STXBP4: variants seen among roughly 807,000 people sequenced by gnomAD.
The protein encoded by STXBP4 is syntaxin binding protein 4.
A neutral mutation model predicts 76.1 loss-of-function variants in STXBP4; 55 were observed. The ratio of observed to expected loss-of-function variants is 0.72; its 90% CI spans 0.58 to 0.91. STXBP4 has a LOEUF of 0.91. Ranked by LOEUF, STXBP4 falls within the 40% of genes least tolerant of loss-of-function variation. STXBP4 has a pLI of 0.00. For synonymous variants in STXBP4, 201 were observed against 220.2 expected (o/e 0.91, Z 0.77); for missense variants, 618 against 636.9 (o/e 0.97, Z 0.32).
intron 12 of STXBP4, among the ~76,000 whole-genome samples, chr17:55,055,310 A>T (rs1055097238): frequency 1.3e-5 from 2 of 152,158 alleles, no homozygotes; most frequent in African/African-American, 2.4e-5. Flanking sequence ...TGACAAGGAG[A>T]GAAAAATGAA....
intron 16 of STXBP4, among the ~76,000 whole-genome samples, chr17:55,104,129 G>T (rs765318613): frequency 1.3e-4 from 20 of 151,990 alleles, no homozygotes; most frequent in Non-Finnish European, 2.8e-4. Context: ...TCTTTCTCTT[G>T]CCTGATTTTC....
chr17:55,198,457 T>C, the STXBP4 span, among the ~76,000 whole-genome samples: 1 of 152,170 alleles, frequency 6.6e-6, no homozygotes, highest in Non-Finnish European at 1.5e-5. Flanking sequence ...ATTGAACTAA[T>C]GATAGAGATC....
At chr17:55,115,831 C>T (rs1239167625) in intron 16 of STXBP4, among the ~76,000 whole-genome samples, 1 of 151,830 alleles carries the variant, frequency 6.6e-6, no homozygotes, top group Non-Finnish European at 1.5e-5. Context: ...ATGTCATCCT[C>T]CAGCATCTAG....
intron 12 of STXBP4, among the ~76,000 whole-genome samples, chr17:55,062,785 G>A (rs2079009791): frequency 1.3e-5 from 2 of 152,118 alleles, no homozygotes; most frequent in Middle Eastern, 6.8e-3. Context: ...TTTAATGATC[G>A]CCATTCTAAC....
rs1271430279 is a variant in STXBP4 at position 55,141,782 on chromosome 17, A to T, written c.1547+415A>T. On this transcript the variant is annotated intron_variant, in intron 17 of 17. Transcript: ENST00000376352. The stretch of plus-strand genomic sequence containing the variant: ...AATGCACACAGTTCATTCTGCAACT[A>T]TTTTTTGAGCATTTGCTGTTTGCCA... Among the ~76,000 whole-genome samples the T allele has an allele frequency of 4.6e-5, 7 of 152,168 alleles. No individual in the cohort carries two copies. In the East Asian group the frequency reaches 1.3e-3, roughly 29 times the overall value.
Position 55,162,721 on chromosome 17 carries a change from A to G in STXBP4, c.*2810A>G, listed in dbSNP as rs2080347466. 1 of 152,214 alleles carries G rather than the reference A, an allele frequency of 6.6e-6. No homozygotes were observed. Among genetic ancestry groups the G allele is most frequent in the Non-Finnish European group, 1.5e-5 (1 of 68,028 alleles). 9.4% of individuals were successfully genotyped at this position (152,214 alleles called of 1,614,324 possible). On this transcript the variant is annotated 3_prime_UTR_variant, in exon 18 of 18. Transcript: ENST00000376352. ...TAAGAGATAGCCTGTCTCACTTTCC[A>G]GAGGTAGCAGTCACTAATACTGTGG...
chr17:55,181,965 C>G, the STXBP4 span, among the ~76,000 whole-genome samples: 6 of 152,108 alleles, frequency 3.9e-5, no homozygotes, highest in Non-Finnish European at 5.9e-5. Context: ...GAAGATTAAC[C>G]CTTGCAGAAA....
chr17:55,152,708 A>G (rs910534745), intron 17 of STXBP4, among the ~76,000 whole-genome samples: 1 of 152,154 alleles, frequency 6.6e-6, no homozygotes, highest in East Asian at 1.9e-4. Context: ...CCATCATCCA[A>G]TCACCTCCCT....
intron 16 of STXBP4, among the ~76,000 whole-genome samples, chr17:55,096,255 A>G (rs2079484984): frequency 6.6e-6 from 1 of 152,154 alleles, no homozygotes; most frequent in Non-Finnish European, 1.5e-5. Flanking sequence ...TCCCTGGCTC[A>G]GGTGATCCTC....
chr17:55,113,217 CCA>C (rs10611316), intron 16 of STXBP4, among the ~76,000 whole-genome samples: 29,389 of 141,072 alleles, frequency 0.21, 3,270 homozygotes, highest in Admixed American at 0.34. Context: ...GGTGCTCTTA[CCA>C]CACACACACA....
At chr17:54,993,005 G>A (rs971287814) in intron 4 of STXBP4, among the ~76,000 whole-genome samples, 5 of 152,050 alleles carry the variant, frequency 3.3e-5, no homozygotes, top group Non-Finnish European at 5.9e-5. Flanking sequence ...GAGCCACCAC[G>A]CCTGACCTAA....
At chr17:55,112,431 A>G (rs540216828) in intron 16 of STXBP4, among the ~76,000 whole-genome samples, 1 of 152,348 alleles carries the variant, frequency 6.6e-6, no homozygotes, top group African/African-American at 2.4e-5. Context: ...TAAGTATTTA[A>G]CAACTAAATG....
chr17:55,080,620 G>A (rs1219893704), intron 15 of STXBP4, among the ~76,000 whole-genome samples: 2 of 151,796 alleles, frequency 1.3e-5, no homozygotes, highest in Non-Finnish European at 2.9e-5. Flanking sequence ...AATTTCAGGA[G>A]CCAAATACAT....
intron 8 of STXBP4, among the ~76,000 whole-genome samples, chr17:55,015,571 A>G (rs915666398): frequency 2.0e-5 from 3 of 151,812 alleles, no homozygotes; most frequent in Non-Finnish European, 3.0e-5. Flanking sequence ...ACCTAGGTCT[A>G]TTAAGTCTGA....
intron 16 of STXBP4, among the ~76,000 whole-genome samples, chr17:55,137,120 G>A (rs751739753): frequency 5.8e-4 from 88 of 151,948 alleles, no homozygotes; most frequent in Non-Finnish European, 1.6e-4. Flanking sequence ...ACTTTCCCAC[G>A]GTTATTCAAC....
chr17:55,157,088 G>T (rs1426513997), intron 17 of STXBP4, among the ~76,000 whole-genome samples: 1 of 152,120 alleles, frequency 6.6e-6, no homozygotes, highest in Non-Finnish European at 1.5e-5. Flanking sequence ...TTACCCTCAG[G>T]TAATTGCTCC....
chr17:55,177,939 T>G (rs1289303917), downstream of STXBP4, among the ~76,000 whole-genome samples: 1 of 152,130 alleles, frequency 6.6e-6, no homozygotes, highest in Non-Finnish European at 1.5e-5. Context: ...CAACCTGGAG[T>G]TGTCTAATGA....
At chr17:55,146,565 A>C (rs1044466821) in intron 17 of STXBP4, among the ~76,000 whole-genome samples, 1 of 152,040 alleles carries the variant, frequency 6.6e-6, no homozygotes, top group African/African-American at 2.4e-5. Context: ...ATACAAAAAA[A>C]CATTAGCCAG....
Position 55,099,069 on chromosome 17 carries a change from C to G in STXBP4, c.1489+17886C>G, listed in dbSNP as rs544229241. 2.2e-4 allele frequency among the ~76,000 whole-genome samples: 33 copies of G among 152,110 alleles called. 1 individual carries two copies. Among genetic ancestry groups the G allele is most frequent in the African/African-American group, 7.9e-4 (33 of 41,524 alleles). On this transcript the variant is annotated intron_variant, in intron 16 of 17. Transcript: ENST00000376352. ...GAATGAACTTAAAACAATGAGGCAC[C>G]ATTTTTATTCACCAGAGTGCCATAT...
Sources: allele counts gnomAD v4.1 joint callset (sites outside exome capture counted in the v4.1 genomes callset), GRCh38; gene constraint gnomAD v4.1.1; transcripts MANE v1.5; gene names NCBI Gene and HGNC (gene_info 2026-07-23, HGNC 2026-07-21).